Variants in CCNE1 observed in about 807,000 individuals in gnomAD.
CCNE1 encodes the protein G1/S-specific cyclin-E1.
In CCNE1, 8 loss-of-function variants were observed where a neutral mutation model predicts 54.1. That is an observed-to-expected ratio of 0.15 (90% CI 0.09 to 0.27). The LOEUF is 0.27. CCNE1 is among the 10% of genes least tolerant of loss of function. The pLI, the probability that CCNE1 is intolerant of heterozygous loss-of-function variation, is 1.00. For synonymous variants in CCNE1, 179 were observed against 185.2 expected (o/e 0.97, Z 0.27); for missense variants, 430 against 514.9 (o/e 0.84, Z 1.60).
In CCNE1 at chr19:29,820,928, T is replaced by C. The variant is rs148930529; in HGVS notation, c.609+80T>C. 3 of 1,134,198 alleles carry C rather than the reference T, an allele frequency of 2.6e-6. No individual in the cohort carries two copies. In the East Asian group the frequency reaches 7.0e-5, roughly 27 times the overall value. The allele number at this position is 1,134,198 out of a possible 1,614,324, so 70.3% of individuals were successfully genotyped here. Reference sequence around the variant, plus strand: ...TGAGATTGGGGGAAGAGGTTGGCGCTTAGCCTATAGCACTCATCCTAAATT... The same window carrying C: ...TGAGATTGGGGGAAGAGGTTGGCGCCTAGCCTATAGCACTCATCCTAAATT... On this transcript the variant is annotated intron_variant, in intron 7 of 11. Transcript: ENST00000262643.
chr19:29,820,320 G>A (rs746315449), intron 6 of CCNE1, among the ~76,000 whole-genome samples: 1 of 152,232 alleles, frequency 6.6e-6, no homozygotes, highest in Non-Finnish European at 1.5e-5. Flanking sequence ...GGAGGCCGAA[G>A]CAGGTGGATC....
chr19:29,815,870 A>G (rs1447869663), intron 4 of CCNE1, among the ~76,000 whole-genome samples: 1 of 151,818 alleles, frequency 6.6e-6, no homozygotes, highest in Non-Finnish European at 1.5e-5. Context: ...AAAAAAAAAA[A>G]AATGCCAGGT....
intron 5 of CCNE1, 47 bp downstream of exon 5, chr19:29,817,329 C>G: frequency 6.2e-7 from 1 of 1,613,764 alleles, no homozygotes; most frequent in Non-Finnish European, 8.5e-7. Context: ...TTACTCCATG[C>G]TCCCCTTTAT....
Position 29,812,769 on chromosome 19 carries a change from T to A in CCNE1, c.104T>A (p.Val35Glu). 6.3e-7 allele frequency: 1 copy of A among 1,590,640 alleles called. No homozygotes were observed. ...SARSRKRKAN[V>E]TVFLQDPDEE... ...CGCTCCAGGAAGAGGAAGGCAAACG[T>A]GACCGTTGTGAGTACAAAAGAGACA... The change falls in exon 3 of 12, where the codon GTG becomes GAG. Residue 35 changes from valine to glutamate, a missense_variant. Val to Glu is a moderately radical substitution (Grantham distance 121). Around this residue, in one of 2 missense-constraint regions of CCNE1, gnomAD observed 127 missense variants for 113.8 expected, o/e 1.12. Coordinates refer to ENST00000262643, the MANE Select transcript of CCNE1 (RefSeq NM_001238.4).
intron 6 of CCNE1, among the ~76,000 whole-genome samples, chr19:29,819,909 G>A (rs909685522): frequency 1.3e-5 from 2 of 152,196 alleles, no homozygotes; most frequent in African/African-American, 2.4e-5. Context: ...CCCAAGACCC[G>A]CAGGAGATGC....
At chr19:29,816,997 C>A in intron 4 of CCNE1, 140 bp from the exon 5 acceptor site, 1 of 808,566 alleles carries the variant, frequency 1.2e-6, no homozygotes, top group Non-Finnish European at 1.9e-6. Flanking sequence ...CAAAAAATAT[C>A]ATAATGTATC....
rs760544447 is a variant in CCNE1, at chr19:29,824,115, G to C, written c.*338G>C. The C allele has an allele frequency of 3.5e-6, 1 of 286,746 alleles. No individual in the cohort carries two copies. Among genetic ancestry groups the C allele is most frequent in the Non-Finnish European group, 6.6e-6 (1 of 152,600 alleles). 17.8% of individuals were successfully genotyped at this position (286,746 alleles called of 1,614,324 possible). A position where few individuals can be genotyped will look rare whatever the true frequency, so the allele number is the denominator to read the frequency against. On this transcript the variant is annotated 3_prime_UTR_variant, in exon 12 of 12. Coordinates refer to ENST00000262643, the MANE Select transcript of CCNE1 (RefSeq NM_001238.4). ...GGGCCACGGTGGCGTGGCTCTCCTCGCAGGTGTTCTGGGCTCCGTTGTACC... is the reference window on the plus strand; with the variant it reads ...GGGCCACGGTGGCGTGGCTCTCCTCCCAGGTGTTCTGGGCTCCGTTGTACC...
Position 29,813,621 on chromosome 19 carries a change from G to A in CCNE1, c.180+584G>A, listed in dbSNP as rs1973944599. Among the ~76,000 whole-genome samples, 3 of 152,318 alleles carry A rather than the reference G, an allele frequency of 2.0e-5. No individual in the cohort carries two copies. The South Asian group carries it at 6.2e-4, about 32-fold the overall frequency. On this transcript the variant is annotated intron_variant, in intron 4 of 11. Transcript: ENST00000262643. ...CCTGCATTGATCCCCAGCTCAGCCT[G>A]ACCTCAGCAAGAGTATCAGTGGAAC...
intron 7 of CCNE1, 40 bp downstream of exon 7, chr19:29,820,888 T>C: frequency 6.8e-7 from 1 of 1,481,406 alleles, no homozygotes; most frequent in Non-Finnish European, 9.4e-7. Context: ...ATGTGTGTTA[T>C]TTCTCGAGCT....
chr19:29,813,132 G>T lies in CCNE1; in HGVS notation c.180+95G>T. On this transcript the variant is annotated intron_variant, in intron 4 of 11. Coordinates refer to ENST00000262643, the MANE Select transcript of CCNE1 (RefSeq NM_001238.4). ...TCTTGTCTCTTGCTGGAGACACTCT[G>T]GTGAGAGTGAACTTCTCTAATGCAG... 11 of 1,162,220 alleles carry T rather than the reference G, an allele frequency of 9.5e-6. No homozygotes were observed. The South Asian group carries it at 1.1e-4, about 12-fold the overall frequency. The allele number at this position is 1,162,220 out of a possible 1,614,324, so 72.0% of individuals were successfully genotyped here. A position where few individuals can be genotyped will look rare whatever the true frequency, so the allele number is the denominator to read the frequency against.
intron 7 of CCNE1, among the ~76,000 whole-genome samples, chr19:29,821,473 A>T (rs1361806664): frequency 6.6e-6 from 1 of 152,072 alleles, no homozygotes; most frequent in Non-Finnish European, 1.5e-5. Flanking sequence ...GGTACTGAAA[A>T]GGGGATATTT....
chr19:29,817,882 A>AC (rs1974063753), intron 6 of CCNE1, among the ~76,000 whole-genome samples: 2 of 86,866 alleles, frequency 2.3e-5, no homozygotes, highest in Non-Finnish European at 2.0e-5. Flanking sequence ...TTTTTTTGAG[A>AC]TGGAGTCTTG....
intron 11 of CCNE1, among the ~76,000 whole-genome samples, 157 bp from the exon 12 acceptor site, chr19:29,823,498 G>A (rs1308594827): frequency 6.7e-6 from 1 of 149,862 alleles, no homozygotes; most frequent in African/African-American, 2.5e-5. Flanking sequence ...GCAGTAAGCC[G>A]AGATCCCACC....
At chr19:29,823,540 C>G (rs1159050306) in intron 11 of CCNE1, 115 bp from the exon 12 acceptor site, 2 of 819,742 alleles carry the variant, frequency 2.4e-6, no homozygotes, top group African/African-American at 3.5e-5. Flanking sequence ...GAAAGCAAGT[C>G]TCCATCTTGA....
intron 8 of CCNE1, 78 bp downstream of exon 8, chr19:29,821,895 G>A: frequency 6.6e-7 from 1 of 1,505,586 alleles, no homozygotes; most frequent in South Asian, 1.1e-5. Flanking sequence ...GAGTGCCTCT[G>A]GGAGGTGTTC....
At chr19:29,820,941 C>T (rs1163510957) in intron 7 of CCNE1, 93 bp downstream of exon 7, 17 of 966,042 alleles carry the variant, frequency 1.8e-5, no homozygotes, top group Non-Finnish European at 2.5e-5. Context: ...GCCTATAGCA[C>T]TCATCCTAAA....
intron 4 of CCNE1, among the ~76,000 whole-genome samples, chr19:29,816,846 T>TC (rs1430082726): frequency 9.3e-6 from 1 of 107,196 alleles, no homozygotes; most frequent in Non-Finnish European, 1.8e-5. Flanking sequence ...ATGCTATCCC[T>TC]CCCCCCTCCC....
At chr19:29,816,987 CAA>C (rs1568368436) in intron 4 of CCNE1, 148 bp from the exon 5 acceptor site, 7 of 772,682 alleles carry the variant, frequency 9.1e-6, no homozygotes, top group African/African-American at 8.8e-5. Flanking sequence ...TGAGTTGTGA[CAA>C]AAAATATCAT....
rs1373837002 is a variant in CCNE1 at position 29,812,156 on chromosome 19, A to C, written c.-25+4A>C. 2.7e-5 allele frequency: 4 copies of C among 148,982 alleles called. No homozygotes were observed. Among genetic ancestry groups the C allele is most frequent in the African/African-American group, 4.9e-5 (2 of 40,784 alleles). The allele number at this position is 148,982 out of a possible 1,614,324, so 9.2% of individuals were successfully genotyped here. Reference sequence around the variant, plus strand: ...GTCCGCCGCGGACAAGACCCTGGTGAGTCTACTGCCGCGGGCTGCGGACAG... The same window carrying C: ...GTCCGCCGCGGACAAGACCCTGGTGCGTCTACTGCCGCGGGCTGCGGACAG... On this transcript the variant is annotated splice_donor_region_variant and intron_variant, in intron 1 of 11. Transcript: ENST00000262643.
Sources: allele counts gnomAD v4.1 joint callset (sites outside exome capture counted in the v4.1 genomes callset), GRCh38; gene constraint gnomAD v4.1.1; regional missense constraint gnomAD v4.1.1; transcripts MANE v1.5; gene names NCBI Gene and HGNC (gene_info 2026-07-23, HGNC 2026-07-21).